The following YBX3 variants were observed in gnomAD, a reference collection of about 807,000 sequenced individuals.
YBX3 encodes the protein Y-box-binding protein 3.
YBX3 carries 29 observed loss-of-function variants against 42.4 expected under a neutral mutation model. The ratio of observed to expected loss-of-function variants is 0.68; its 90% CI spans 0.51 to 0.93. The LOEUF (loss-of-function observed/expected upper bound fraction) is 0.93, where lower values mean the gene tolerates loss of function less well. Among genes scored for constraint, YBX3 ranks in the 40% least tolerant of loss-of-function variants. The pLI is 0.00. For missense variants in YBX3, 517 were observed against 527.5 expected (o/e 0.98, Z 0.19); for synonymous variants, 195 against 189.8 (o/e 1.03, Z -0.22).
intron 5 of YBX3, chr12:10,712,996 G>A (rs1350659437): frequency 8.9e-6 from 5 of 561,440 alleles, no homozygotes; most frequent in African/African-American, 5.7e-5. Context: ...ACTTATTCAT[G>A]TAACTAATCA....
chr12:10,711,602 A>T (rs1948200744), intron 5 of YBX3: 1 of 152,208 alleles, frequency 6.6e-6, no homozygotes, highest in South Asian at 2.1e-4. Flanking sequence ...CACACAATCA[A>T]ATCTTTAAGA....
intron 5 of YBX3, chr12:10,710,540 G>A (rs1435006815): frequency 1.7e-6 from 2 of 1,181,856 alleles, no homozygotes; most frequent in Non-Finnish European, 2.1e-6. Flanking sequence ...CAACATATTT[G>A]ACCCAAGTGG....
At chr12:10,718,529 C>T (rs925705188) in intron 2 of YBX3, 1 of 181,176 alleles carries the variant, frequency 5.5e-6, no homozygotes, top group African/African-American at 2.4e-5. Context: ...CCCCACCCCA[C>T]CAAAGGAGAC....
chr12:10,701,940 C>A lies in YBX3; in HGVS notation c.1053+20G>T. 2 of 1,606,816 alleles carry A rather than the reference C, an allele frequency of 1.2e-6. No homozygotes were observed. Among genetic ancestry groups the A allele is most frequent in the Non-Finnish European group, 1.7e-6 (2 of 1,176,322 alleles). On this transcript the variant is annotated intron_variant, in intron 8 of 9. Coordinates refer to ENST00000228251, the MANE Select transcript of YBX3 (RefSeq NM_003651.5). ...ATTAAAGACTATCTGGCAACATCCG[C>A]CCTGACTGGTTGGATTTACCTCTTT...
chr12:10,713,138 C>T, intron 5 of YBX3, 73 bp downstream of exon 5: 1 of 1,489,204 alleles, frequency 6.7e-7, no homozygotes, highest in Non-Finnish European at 9.0e-7. Flanking sequence ...CATTTATCTG[C>T]TCCAAGTACA....
At chr12:10,717,757 C>A (rs2120977968) in intron 3 of YBX3, 1 of 179,122 alleles carries the variant, frequency 5.6e-6, no homozygotes, top group African/African-American at 2.3e-5. Context: ...TAAGGAGGAA[C>A]CACATCAGGA....
chr12:10,721,632 C>T (rs1948325999), intron 1 of YBX3, among the ~76,000 whole-genome samples: 1 of 151,512 alleles, frequency 6.6e-6, no homozygotes, highest in Admixed American at 6.6e-5. Flanking sequence ...AGTAAAAGCC[C>T]TAGAAAAAAA....
At chr12:10,704,435 T>C (rs1948115372) in intron 6 of YBX3, 2 of 259,836 alleles carry the variant, frequency 7.7e-6, no homozygotes, top group Admixed American at 1.1e-4. Flanking sequence ...ATTTCATTCA[T>C]CTCTTTAAAT....
At chr12:10,699,994 T>G (rs187470297) in intron 9 of YBX3, among the ~76,000 whole-genome samples, 1 of 152,302 alleles carries the variant, frequency 6.6e-6, no homozygotes, top group East Asian at 1.9e-4. Context: ...CAATTAGCTA[T>G]TTACCAAATG....
chr12:10,701,441 C>T (rs1477438470), intron 8 of YBX3, 88 bp from the exon 9 acceptor site: 3 of 750,718 alleles, frequency 4.0e-6, no homozygotes, highest in South Asian at 2.8e-5. Flanking sequence ...TTTGAATTTT[C>T]CTGTGAAGGA....
At chr12:10,703,545 A>C (rs1169089193) in intron 7 of YBX3, 1 of 437,224 alleles carries the variant, frequency 2.3e-6, no homozygotes, top group East Asian at 7.4e-5. Flanking sequence ...ACTATAGAAT[A>C]TCTCTTTGTT....
chr12:10,704,829 C>T (rs1948119731), intron 6 of YBX3, among the ~76,000 whole-genome samples: 1 of 152,242 alleles, frequency 6.6e-6, no homozygotes, highest in African/African-American at 2.4e-5. Context: ...TTCTCATCAA[C>T]TAGACACAGC....
chr12:10,703,790 T>C (rs946649228), intron 7 of YBX3: 1 of 403,640 alleles, frequency 2.5e-6, no homozygotes, highest in Non-Finnish European at 4.5e-6. Context: ...ATCTGATTTA[T>C]TTTGATAAAA....
chr12:10,704,848 G>A (rs984671159), intron 6 of YBX3, among the ~76,000 whole-genome samples: 1 of 152,114 alleles, frequency 6.6e-6, no homozygotes, highest in Admixed American at 6.5e-5. Context: ...GCATGTTAAC[G>A]CTATCCCTTC....
intron 4 of YBX3, 28 bp from the exon 5 acceptor site, chr12:10,713,361 A>T (rs1948223262): frequency 6.2e-7 from 1 of 1,608,526 alleles, no homozygotes; most frequent in East Asian, 2.2e-5. Flanking sequence ...AGATGGCCTC[A>T]AAATTAAAAA....
intron 1 of YBX3, chr12:10,721,927 G>A (rs1045637224): frequency 3.3e-5 from 5 of 152,222 alleles, no homozygotes; most frequent in Admixed American, 3.3e-4. Context: ...CGAAAAGAAC[G>A]CTTGTTATGT....
At chr12:10,710,160 A>G (rs1169488981) in intron 5 of YBX3, 46 bp from the exon 6 acceptor site, 2 of 1,584,030 alleles carry the variant, frequency 1.3e-6, no homozygotes, top group Admixed American at 1.8e-5. Flanking sequence ...TTTAGCAAGG[A>G]AAGAACCAAA....
At chr12:10,713,857 C>T (rs1376825333) in intron 4 of YBX3, among the ~76,000 whole-genome samples, 2 of 152,174 alleles carry the variant, frequency 1.3e-5, no homozygotes, top group Non-Finnish European at 2.9e-5. Flanking sequence ...ATAATATTCT[C>T]CACACATGTA....
chr12:10,699,973 T>C (rs1948061292), intron 9 of YBX3, among the ~76,000 whole-genome samples: 1 of 152,170 alleles, frequency 6.6e-6, no homozygotes, highest in Non-Finnish European at 1.5e-5. Context: ...TCTCCTAATA[T>C]GAATATATCA....
Sources: gnomAD v4.1 joint callset for allele counts (sites outside exome capture counted in the v4.1 genomes callset) on GRCh38, gnomAD v4.1.1 for gene constraint, MANE v1.5 for transcripts, NCBI Gene and HGNC (gene_info 2026-07-23, HGNC 2026-07-21) for gene names.